FARS2: variants seen among roughly 807,000 people sequenced by gnomAD.
FARS2 encodes phenylalanyl-tRNA synthetase 2, mitochondrial, also known as phenylalanine--tRNA ligase, mitochondrial.
A neutral mutation model predicts 46.4 loss-of-function variants in FARS2; 40 were observed. The observed-to-expected ratio is 0.86, with a 90% CI of 0.67 to 1.12. The LOEUF (loss-of-function observed/expected upper bound fraction) is 1.12. Ranked by LOEUF, FARS2 falls within the 50% of genes most tolerant of loss-of-function variation. The probability of loss-of-function intolerance (pLI) is 0.00; values close to 1 mark genes in which losing one functional copy is unlikely to be tolerated. For synonymous variants in FARS2, 234 were observed against 214.9 expected (o/e 1.09, Z -0.78); for missense variants, 513 against 567.9 (o/e 0.90, Z 0.98).
intron 1 of FARS2, among the ~76,000 whole-genome samples, chr6:5,346,369 A>C (rs1757230950): frequency 6.6e-6 from 1 of 152,160 alleles, no homozygotes; most frequent in South Asian, 2.1e-4. Flanking sequence ...GGAGTCATTA[A>C]AATTATTTTA....
rs538860034 is a variant in FARS2 at position 5,276,038 on chromosome 6, C to CAATCATTTAA, written c.-22+14382_-22+14391dup. ...ATCATTTTAGCTCTGTTACTAGTCA[C>CAATCATTTAA]AATCATTTAAAATTGCATTTGGAAA... On this transcript the variant is annotated intron_variant, in intron 1 of 6. Coordinates refer to ENST00000274680, the MANE Select transcript of FARS2 (RefSeq NM_006567.5). Among the ~76,000 whole-genome samples, 3 of 152,258 alleles carry CAATCATTTAA rather than the reference C, an allele frequency of 2.0e-5. No homozygotes were observed. In the South Asian group the frequency reaches 6.2e-4, roughly 32 times the overall value.
chr6:5,444,746 T>C (rs2127795186), intron 4 of FARS2, among the ~76,000 whole-genome samples: 1 of 151,054 alleles, frequency 6.6e-6, no homozygotes, highest in South Asian at 2.1e-4. Flanking sequence ...CCAATGTTCG[T>C]TATTCTTTCT....
At chr6:5,532,990 C>A (rs1769959529) in intron 4 of FARS2, among the ~76,000 whole-genome samples, 1 of 151,840 alleles carries the variant, frequency 6.6e-6, no homozygotes, top group African/African-American at 2.4e-5. Context: ...TCACTTGTCT[C>A]TTGTAACAAA....
At chr6:5,414,010 A>G (rs1233984563) in intron 3 of FARS2, among the ~76,000 whole-genome samples, 1 of 152,164 alleles carries the variant, frequency 6.6e-6, no homozygotes, top group African/African-American at 2.4e-5. Context: ...TATACCCTAA[A>G]TGATGTCATC....
At chr6:5,651,268 A>G (rs1379594738) in intron 6 of FARS2, among the ~76,000 whole-genome samples, 1 of 152,198 alleles carries the variant, frequency 6.6e-6, no homozygotes, top group South Asian at 2.1e-4. Flanking sequence ...AAACCCCCCA[A>G]AAGATTCAGG....
chr6:5,712,441 T>C (rs921121440), intron 6 of FARS2, among the ~76,000 whole-genome samples: 27 of 152,186 alleles, frequency 1.8e-4, no homozygotes, highest in African/African-American at 6.3e-4. Context: ...AGTGGGTAGG[T>C]CTGGGTACCT....
At chr6:5,750,986 A>T (rs758455601) in intron 6 of FARS2, among the ~76,000 whole-genome samples, 1 of 152,048 alleles carries the variant, frequency 6.6e-6, no homozygotes, top group East Asian at 1.9e-4. Flanking sequence ...TCCCATGCTA[A>T]GGTGAACTTC....
At chr6:5,558,800 C>T (rs952076248) in intron 5 of FARS2, among the ~76,000 whole-genome samples, 2 of 151,988 alleles carry the variant, frequency 1.3e-5, no homozygotes, top group Non-Finnish European at 2.9e-5. Context: ...ATCCACCCGC[C>T]TTGGCCTCAG....
rs188565959 is a variant in FARS2 at position 5,426,617 on chromosome 6, T to A, written c.773-4424T>A. On this transcript the variant is annotated intron_variant, in intron 3 of 6. Transcript: ENST00000274680. ...TTAAAAATCTCTGTTAATGTGTCAA[T>A]GTAACAATTAATTAATTTATTTATT... Among the ~76,000 whole-genome samples the A allele has an allele frequency of 1.2e-4, 18 of 152,322 alleles. No individual in the cohort carries two copies. In the East Asian group the frequency reaches 3.5e-3, roughly 29 times the overall value.
At chr6:5,426,670 G>C (rs1283182877) in intron 3 of FARS2, among the ~76,000 whole-genome samples, 1 of 152,120 alleles carries the variant, frequency 6.6e-6, no homozygotes, top group Non-Finnish European at 1.5e-5. Flanking sequence ...CTCTCACCCA[G>C]GCTGGAGTGC....
chr6:5,593,801 A>G (rs72817795), intron 5 of FARS2, among the ~76,000 whole-genome samples: 2 of 152,352 alleles, frequency 1.3e-5, no homozygotes, highest in Admixed American at 6.5e-5. Flanking sequence ...CCATGGGGAC[A>G]GGAAGATGGT....
At chr6:5,683,759 C>G (rs573595665) in intron 6 of FARS2, among the ~76,000 whole-genome samples, 4 of 152,154 alleles carry the variant, frequency 2.6e-5, no homozygotes, top group African/African-American at 9.6e-5. Context: ...TCCTAATGCT[C>G]TCCCTCCCCT....
chr6:5,477,496 ACTTGT>A (rs1291217705), intron 4 of FARS2, among the ~76,000 whole-genome samples: 3 of 152,176 alleles, frequency 2.0e-5, no homozygotes, highest in Non-Finnish European at 2.9e-5. Flanking sequence ...CAATGTTTTC[ACTTGT>A]CTTGTCTCAC....
At chr6:5,624,010 T>C (rs1481136149) in intron 6 of FARS2, among the ~76,000 whole-genome samples, 1 of 152,160 alleles carries the variant, frequency 6.6e-6, no homozygotes, top group African/African-American at 2.4e-5. Context: ...CTCCTTGAAA[T>C]TGGCAGCATG....
upstream of FARS2, chr6:5,261,299 C>G (rs1273489582): frequency 6.5e-6 from 1 of 152,956 alleles, no homozygotes; most frequent in African/African-American, 2.4e-5. Flanking sequence ...GCCGATGCCC[C>G]TCCCACGCCG....
chr6:5,295,735 C>T (rs138349998), intron 1 of FARS2, among the ~76,000 whole-genome samples: 6 of 152,262 alleles, frequency 3.9e-5, no homozygotes, highest in African/African-American at 7.2e-5. Context: ...GGTGAAGACT[C>T]AGTTCAGAAA....
chr6:5,644,350 C>G (rs1488732403), intron 6 of FARS2, among the ~76,000 whole-genome samples: 1 of 152,098 alleles, frequency 6.6e-6, no homozygotes, highest in Non-Finnish European at 1.5e-5. Context: ...GTAGCTGAGA[C>G]TACAGGTGCG....
chr6:5,702,510 T>C (rs1758506667), intron 6 of FARS2, among the ~76,000 whole-genome samples: 1 of 152,228 alleles, frequency 6.6e-6, no homozygotes, highest in African/African-American at 2.4e-5. Context: ...TTCTAATGGG[T>C]TGTAATCCAT....
chr6:5,609,554 C>G, intron 5 of FARS2: 1 of 1,284,954 alleles, frequency 7.8e-7, no homozygotes, highest in Non-Finnish European at 1.1e-6. Flanking sequence ...AGTTGTCATT[C>G]CCACTGAAAC....
Sources: gnomAD v4.1 joint callset for allele counts (sites outside exome capture counted in the v4.1 genomes callset) on GRCh38, gnomAD v4.1.1 for gene constraint, MANE v1.5 for transcripts, NCBI Gene and HGNC (gene_info 2026-07-23, HGNC 2026-07-21) for gene names.